OPRL1: variants seen among roughly 807,000 people sequenced by gnomAD.
OPRL1 encodes nociceptin receptor.
OPRL1 carries 5 observed loss-of-function variants against 15.5 expected under a neutral mutation model. The ratio of observed to expected loss-of-function variants is 0.32; its 90% CI spans 0.17 to 0.68. The LOEUF (loss-of-function observed/expected upper bound fraction) is 0.68. Ranked by LOEUF, OPRL1 falls within the 30% of genes least tolerant of loss-of-function variation. The pLI, the probability that OPRL1 is intolerant of heterozygous loss-of-function variation, is 0.72. For synonymous variants in OPRL1, 223 were observed against 230.2 expected (o/e 0.97, Z 0.28); for missense variants, 406 against 515.3 (o/e 0.79, Z 2.05).
At chr20:64,084,946 T>TCCG (rs975617094) in intron 1 of OPRL1, 6 of 152,008 alleles carry the variant, frequency 3.9e-5, no homozygotes, top group African/African-American at 1.5e-4. Flanking sequence ...CGGAAGAACC[T>TCCG]CCGCCGTAGC....
Position 64,080,164 on chromosome 20 carries a change from C to T in OPRL1, c.-373C>T, listed in dbSNP as rs982547675. On this transcript the variant is annotated 5_prime_UTR_variant, in exon 1 of 5. Coordinates refer to ENST00000336866, the MANE Select transcript of OPRL1 (RefSeq NM_182647.4). The stretch of plus-strand genomic sequence containing the variant: ...AGGTGCTCATAGTGGAGCCCTGGCT[C>T]CCGGGCGGACGGAGCCGCACGGTAG... 3.9e-5 allele frequency: 6 copies of T among 152,162 alleles called. No homozygotes were observed. Among genetic ancestry groups the T allele is most frequent in the African/African-American group, 1.2e-4 (5 of 41,442 alleles). 9.4% of individuals were successfully genotyped at this position (152,162 alleles called of 1,614,324 possible).
At chr20:64,095,774 G>A (rs1233901225) in intron 3 of OPRL1, among the ~76,000 whole-genome samples, 3 of 152,000 alleles carry the variant, frequency 2.0e-5, no homozygotes, top group Non-Finnish European at 4.4e-5. Context: ...CCAACCGGAG[G>A]TGTTATGTAG....
Position 64,090,782 on chromosome 20 carries a change from TGGGGCCCAGC to T in OPRL1, c.-184-1183_-184-1174del. Among the ~76,000 whole-genome samples, 1 of 147,802 alleles carries T rather than the reference TGGGGCCCAGC, an allele frequency of 6.8e-6. No individual in the cohort carries two copies. The highest frequency in any genetic ancestry group is 1.5e-5 in the Non-Finnish European group (1 of 66,540). ...GGCAGAGGTGCCCTGGGCACTGATC[TGGGGCCCAGC>T]TGTGGCAGAGGTGCCCTGGGCACTG... On this transcript the variant is annotated intron_variant, in intron 1 of 4. Coordinates refer to ENST00000336866, the MANE Select transcript of OPRL1 (RefSeq NM_182647.4). This position sits in a 1 kb window ranked among gnomAD's most constrained non-coding sequence, Gnocchi z 4.9.
At chr20:64,082,053 T>C (rs565491569) in intron 1 of OPRL1, among the ~76,000 whole-genome samples, 1 of 152,296 alleles carries the variant, frequency 6.6e-6, no homozygotes, top group South Asian at 2.1e-4. Flanking sequence ...GTAGATGAAC[T>C]CATTCTAGGC....
rs1438907410 is a variant in OPRL1, at chr20:64,096,805, A to AT, written c.234-997_234-996insT. 7.4e-5 allele frequency among the ~76,000 whole-genome samples: 11 copies of AT among 147,802 alleles called. No homozygotes were observed. The East Asian group carries it at 2.2e-3, about 30-fold the overall frequency. ...ATTCACCATCCTCACCATCCTCACC[A>AT]CCACCATCACCACCATCATCACCAT... On this transcript the variant is annotated intron_variant, in intron 3 of 4. Coordinates refer to ENST00000336866, the MANE Select transcript of OPRL1 (RefSeq NM_182647.4).
rs1365833721 is a variant in OPRL1 at position 64,099,698 on chromosome 20, T to C, written c.*899T>C. 1 of 152,232 alleles carries C rather than the reference T, an allele frequency of 6.6e-6. No homozygotes were observed. The highest frequency in any genetic ancestry group is 2.4e-5 in the African/African-American group (1 of 41,368). The allele number at this position is 152,232 out of a possible 1,614,324, so 9.4% of individuals were successfully genotyped here. ...CCTGCTTCTCAGTGTGGGGCAGGTG[T>C]CTCAGGACGAAGGCGCCGCGTGACC... On this transcript the variant is annotated 3_prime_UTR_variant, in exon 5 of 5. Transcript: ENST00000336866.
rs902953760 is a variant in OPRL1, at chr20:64,097,393, A to C, written c.234-409A>C. Among the ~76,000 whole-genome samples, 1 of 152,102 alleles carries C rather than the reference A, an allele frequency of 6.6e-6. No homozygotes were observed. The highest frequency in any genetic ancestry group is 2.1e-4 in the South Asian group (1 of 4,824). On this transcript the variant is annotated intron_variant, in intron 3 of 4. Transcript: ENST00000336866. This position sits in a 1 kb window ranked among gnomAD's most constrained non-coding sequence, Gnocchi z 4.2. Reference sequence around the variant, plus strand: ...CTGGCAACTGTAGGGTCAGCATTTGAGTCTGTGAGGGGTCATGGAGGGGAC... The same window carrying C: ...CTGGCAACTGTAGGGTCAGCATTTGCGTCTGTGAGGGGTCATGGAGGGGAC...
chr20:64,084,141 C>A (rs537693191), intron 1 of OPRL1: 3 of 1,461,244 alleles, frequency 2.1e-6, no homozygotes, highest in Non-Finnish European at 2.7e-6. Flanking sequence ...CGCTCCTCAC[C>A]CTGCGCCGTG....
chr20:64,088,736 G>GA lies in OPRL1; in HGVS notation c.-184-3230_-184-3229insA, dbSNP rs2060086291. ...CAGAGTGGCCAGGATCTGTGCAAGG[G>GA]GTAGGATCTGTGCAGAGTGGCCAGG... On this transcript the variant is annotated intron_variant, in intron 1 of 4. Coordinates refer to ENST00000336866, the MANE Select transcript of OPRL1 (RefSeq NM_182647.4). Among the ~76,000 whole-genome samples the GA allele has an allele frequency of 2.3e-4, 2 of 8,678 alleles. 1 individual carries two copies. The allele number at this position is 8,678 out of a possible 152,430, so 5.7% of individuals were successfully genotyped here.
chr20:64,092,334 G>A (rs574574983), intron 2 of OPRL1, among the ~76,000 whole-genome samples: 6 of 152,270 alleles, frequency 3.9e-5, no homozygotes, highest in Non-Finnish European at 8.8e-5. Flanking sequence ...GTGAACACGC[G>A]AGTGGCTGTG....
chr20:64,083,480 C>T lies in OPRL1; in HGVS notation c.-185+3128C>T. 6.3e-7 allele frequency: 1 copy of T among 1,596,850 alleles called. No individual in the cohort carries two copies. The highest frequency in any genetic ancestry group is 8.5e-7 in the Non-Finnish European group (1 of 1,172,942). On this transcript the variant is annotated intron_variant, in intron 1 of 4. Coordinates refer to ENST00000336866, the MANE Select transcript of OPRL1 (RefSeq NM_182647.4). This position sits in a 1 kb window ranked among gnomAD's most constrained non-coding sequence, Gnocchi z 4.9. ...CATCCACGTTCTCCTCCAGGATGGT[C>T]TCCACGCGCCTCCGCTGCCGGGGAG... is the stretch of plus-strand genomic sequence containing the variant.
chr20:64,083,655 G>A lies in OPRL1; in HGVS notation c.-185+3303G>A. ...GCGGCAGGAACAGCTCCAGCCGGAT[G>A]GCGGCGCGCGCGGACTTCTGCCGCT... On this transcript the variant is annotated intron_variant, in intron 1 of 4. Coordinates refer to ENST00000336866, the MANE Select transcript of OPRL1 (RefSeq NM_182647.4). This position sits in a 1 kb window ranked among gnomAD's most constrained non-coding sequence, Gnocchi z 4.9. 6.9e-7 allele frequency: 1 copy of A among 1,442,316 alleles called. No homozygotes were observed. 89.3% of individuals were successfully genotyped at this position (1,442,316 alleles called of 1,614,324 possible). A position where few individuals can be genotyped will look rare whatever the true frequency, so the allele number is the denominator to read the frequency against.
At position 64,087,607 on chromosome 20, in the gene OPRL1, C is replaced by G. The variant is rs375085558; in HGVS notation, c.-184-4359C>G. 3.0e-3 allele frequency among the ~76,000 whole-genome samples: 395 copies of G among 130,756 alleles called. 2 individuals are homozygous for G. The South Asian group carries it at 0.049, about 16-fold the overall frequency. 85.8% of individuals were successfully genotyped at this position (130,756 alleles called of 152,430 possible). ...CGCGTGTCATCGTTCGTGTCTTGGG[C>G]TATCCCTAGTATCCTCGCACACAAG... On this transcript the variant is annotated intron_variant, in intron 1 of 4. Coordinates refer to ENST00000336866, the MANE Select transcript of OPRL1 (RefSeq NM_182647.4).
chr20:64,088,704 G>T (rs62218107), intron 1 of OPRL1, among the ~76,000 whole-genome samples: 2 of 25,488 alleles, frequency 7.8e-5, no homozygotes. Context: ...GGAGGCCAGG[G>T]TCTGTGCAGA....
Position 64,083,482 on chromosome 20 carries a change from C to T in OPRL1, c.-185+3130C>T. ...TCCACGTTCTCCTCCAGGATGGTCT[C>T]CACGCGCCTCCGCTGCCGGGGAGAG... On this transcript the variant is annotated intron_variant, in intron 1 of 4. Coordinates refer to ENST00000336866, the MANE Select transcript of OPRL1 (RefSeq NM_182647.4). The surrounding 1 kb of genome is among the most constrained non-coding windows in gnomAD (Gnocchi z 4.9). 1 of 1,597,078 alleles carries T rather than the reference C, an allele frequency of 6.3e-7. No individual in the cohort carries two copies. The highest frequency in any genetic ancestry group is 8.5e-7 in the Non-Finnish European group (1 of 1,173,054).
At position 64,098,581 on chromosome 20, in the gene OPRL1, G is replaced by T; in HGVS notation, c.895G>T (p.Ala299Ser). Residue 299 changes from alanine to serine, a missense_variant, in exon 5 of 5, where the codon GCC (alanine) becomes TCC (serine). Physicochemically the swap from Ala to Ser is moderately conservative, Grantham distance 99. Coordinates refer to ENST00000336866, the MANE Select transcript of OPRL1 (RefSeq NM_182647.4). ...GVQPSSETAVAILRFCTALGY... is the reference protein window; with the variant it reads ...GVQPSSETAVSILRFCTALGY... Reference sequence around the variant, plus strand: ...TCAGCCGAGCAGCGAGACTGCCGTGGCCATTCTGCGCTTCTGCACGGCCCT... The same window carrying T: ...TCAGCCGAGCAGCGAGACTGCCGTGTCCATTCTGCGCTTCTGCACGGCCCT... 6.2e-7 allele frequency: 1 copy of T among 1,612,806 alleles called. No individual in the cohort carries two copies. The highest frequency in any genetic ancestry group is 8.5e-7 in the Non-Finnish European group (1 of 1,179,976).
Position 64,097,667 on chromosome 20 carries a change from C to T in OPRL1, c.234-135C>T, listed in dbSNP as rs1393762332. 1.3e-6 allele frequency: 1 copy of T among 758,216 alleles called. No individual in the cohort carries two copies. Among genetic ancestry groups the T allele is most frequent in the Non-Finnish European group, 2.2e-6 (1 of 451,180 alleles). The allele number at this position is 758,216 out of a possible 1,614,324, so 47.0% of individuals were successfully genotyped here. On this transcript the variant is annotated intron_variant, in intron 3 of 4. Coordinates refer to ENST00000336866, the MANE Select transcript of OPRL1 (RefSeq NM_182647.4). The surrounding 1 kb of genome is among the most constrained non-coding windows in gnomAD (Gnocchi z 4.2). ...GGTCCAGGAGCTATCACTTACCAAGCCCCCATGGGAACTCTGATGTTAAGG... is the reference window on the plus strand; with the variant it reads ...GGTCCAGGAGCTATCACTTACCAAGTCCCCATGGGAACTCTGATGTTAAGG...
Position 64,083,774 on chromosome 20 carries a change from C to T in OPRL1, c.-185+3422C>T. ...CCCCGCCCCGGCCGGCTCCGCTCAA[C>T]GCTCCCGGTGCGCCCCCTCTGCCCT... On this transcript the variant is annotated intron_variant, in intron 1 of 4. Coordinates refer to ENST00000336866, the MANE Select transcript of OPRL1 (RefSeq NM_182647.4). The surrounding 1 kb of genome is among the most constrained non-coding windows in gnomAD (Gnocchi z 4.9). The T allele has an allele frequency of 1.5e-6, 2 of 1,323,502 alleles. No homozygotes were observed. Among genetic ancestry groups the T allele is most frequent in the Non-Finnish European group, 1.9e-6 (2 of 1,038,884 alleles). The allele number at this position is 1,323,502 out of a possible 1,614,324, so 82.0% of individuals were successfully genotyped here.
Position 64,098,002 on chromosome 20 carries a change from G to C in OPRL1, c.434G>C (p.Ser145Thr). ...AGCACCTTCACCCTAACTGCCATGA[G>C]TGTGGATCGCTATGTAGCCATCTGC... ...FTSTFTLTAM[S>T]VDRYVAICHP... The change falls in exon 4 of 5, where the codon AGT becomes ACT. Residue 145 changes from serine (S) to threonine (T), a missense_variant. Transcript: ENST00000336866. 1 of 1,613,696 alleles carries C rather than the reference G, an allele frequency of 6.2e-7. No homozygotes were observed. The highest frequency in any genetic ancestry group is 8.5e-7 in the Non-Finnish European group (1 of 1,180,030).
Sources: gnomAD v4.1 joint callset for allele counts (sites outside exome capture counted in the v4.1 genomes callset) on GRCh38, gnomAD v4.1.1 for gene constraint, Gnocchi (gnomAD v3.1) non-coding constraint, MANE v1.5 for transcripts, NCBI Gene and HGNC (gene_info 2026-07-23, HGNC 2026-07-21) for gene names.